ARHGAP10: variants seen among roughly 807,000 people sequenced by gnomAD.
The protein encoded by ARHGAP10 is rho GTPase-activating protein 10.
A neutral mutation model predicts 108.6 loss-of-function variants in ARHGAP10; 87 were observed. That is an observed-to-expected ratio of 0.80 (90% CI 0.67 to 0.96). ARHGAP10 has a LOEUF of 0.96. Among genes scored for constraint, ARHGAP10 ranks in the 40% least tolerant of loss-of-function variants. ARHGAP10 has a pLI of 0.00. For synonymous variants in ARHGAP10, 347 were observed against 341.1 expected, an observed-to-expected ratio of 1.02 and a Z score of -0.19; for missense variants, 939 against 954.5, an observed-to-expected ratio of 0.98 and a Z score of 0.21.
chr4:147,772,041 C>T (rs566713808), intron 1 of ARHGAP10, among the ~76,000 whole-genome samples: 45 of 152,300 alleles, frequency 3.0e-4, no homozygotes, highest in African/African-American at 9.9e-4. Flanking sequence ...CTGCCCTCCT[C>T]GGCCTCCTAA....
rs1737398449 is a variant in ARHGAP10, at chr4:147,924,844, A to G, written c.1228+11705A>G. On this transcript the variant is annotated intron_variant, in intron 13 of 22. Transcript: ENST00000336498. The stretch of plus-strand genomic sequence containing the variant: ...AGAACTAAAAGAGAATGCTTAGGAC[A>G]TTGGCACCTGTTGAATAGCCAGTAA... Among the ~76,000 whole-genome samples the G allele has an allele frequency of 1.3e-5, 2 of 152,152 alleles. 1 individual carries two copies. The highest frequency in any genetic ancestry group is 3.8e-4 in the East Asian group (2 of 5,196).
At chr4:147,742,375 A>G (rs527923791) in intron 1 of ARHGAP10, among the ~76,000 whole-genome samples, 6 of 149,628 alleles carry the variant, frequency 4.0e-5, no homozygotes, top group African/African-American at 1.5e-4. Flanking sequence ...GTAGGTGCCT[A>G]TTATTTTTAT....
At chr4:147,965,224 C>A in intron 17 of ARHGAP10, 95 bp downstream of exon 17, 3 of 794,784 alleles carry the variant, frequency 3.8e-6, no homozygotes, top group Middle Eastern at 2.5e-4. Context: ...GGGGACCACA[C>A]CTGGAAGGGC....
chr4:147,752,782 C>A (rs1244301947), intron 1 of ARHGAP10, among the ~76,000 whole-genome samples: 1 of 152,246 alleles, frequency 6.6e-6, no homozygotes, highest in Non-Finnish European at 1.5e-5. Context: ...CCACCTTGGC[C>A]TCCCAAAGTG....
intron 18 of ARHGAP10, among the ~76,000 whole-genome samples, chr4:147,972,071 G>T (rs1486779639): frequency 2.0e-5 from 3 of 152,138 alleles, no homozygotes; most frequent in Non-Finnish European, 2.9e-5. Context: ...AGTAAGATGA[G>T]TTCAGTTTGT....
chr4:147,937,272 T>G (rs933952818), intron 13 of ARHGAP10, among the ~76,000 whole-genome samples: 4 of 152,206 alleles, frequency 2.6e-5, no homozygotes, highest in African/African-American at 4.8e-5. Flanking sequence ...CTTCTCCCTG[T>G]GTCTTCTCAT....
intron 7 of ARHGAP10, among the ~76,000 whole-genome samples, chr4:147,873,943 A>G (rs1411194763): frequency 2.0e-5 from 3 of 151,962 alleles, no homozygotes; most frequent in African/African-American, 7.3e-5. Flanking sequence ...CTAGCCGTCA[A>G]CAACTGAGTT....
At chr4:147,905,425 G>T (rs932087349) in intron 10 of ARHGAP10, among the ~76,000 whole-genome samples, 12 of 138,890 alleles carry the variant, frequency 8.6e-5, no homozygotes, top group African/African-American at 2.7e-4. Context: ...TGTAAGGAAG[G>T]GATCCAGTTT....
intron 1 of ARHGAP10, among the ~76,000 whole-genome samples, chr4:147,756,883 G>GT (rs766069125): frequency 0.051 from 7,285 of 142,012 alleles, 236 homozygotes; most frequent in African/African-American, 0.099. Context: ...TTGTGTAATT[G>GT]TTTTTTTTTT....
chr4:147,866,785 A>G lies in ARHGAP10; in HGVS notation c.671A>G (p.Tyr224Cys). The change falls in exon 7 of 23, where the codon TAC (tyrosine) becomes TGC (cysteine). Residue 224 changes from tyrosine (Y) to cysteine (C), a missense_variant. Tyr to Cys is a radical substitution (Grantham distance 194). Transcript: ENST00000336498. ...GHELAKDFNH[Y>C]KMELQINIQN... ...GAACTTGCCAAAGACTTCAATCACTACAAAATGGAACTACAGATCAACATT... is the reference window on the plus strand; with the variant it reads ...GAACTTGCCAAAGACTTCAATCACTGCAAAATGGAACTACAGATCAACATT... 3 of 1,612,790 alleles carry G rather than the reference A, an allele frequency of 1.9e-6. No homozygotes were observed. Among genetic ancestry groups the G allele is most frequent in the Non-Finnish European group, 2.5e-6 (3 of 1,178,816 alleles).
rs112764350 is a variant in ARHGAP10, at chr4:147,757,302, C to T, written c.154+24847C>T. On this transcript the variant is annotated intron_variant, in intron 1 of 22. Coordinates refer to ENST00000336498, the MANE Select transcript of ARHGAP10 (RefSeq NM_024605.4). The stretch of plus-strand genomic sequence containing the variant: ...CTCTGCCTCCCGTGTTCAAGCAATT[C>T]CCCTGCCTCAGCCTCCCGAAAGCTG... Among the ~76,000 whole-genome samples, 428 of 149,962 alleles carry T rather than the reference C, an allele frequency of 2.9e-3. 4 individuals carry two copies. Among genetic ancestry groups the T allele is most frequent in the African/African-American group, 0.01 (415 of 40,818 alleles).
chr4:147,866,912 TG>T, intron 7 of ARHGAP10, 96 bp downstream of exon 7: 1 of 1,060,114 alleles, frequency 9.4e-7, no homozygotes, highest in Non-Finnish European at 1.4e-6. Flanking sequence ...AAGACAATGC[TG>T]ATCTGTTTGT....
In ARHGAP10 at chr4:147,784,778, TATA is replaced by T. The variant is rs1730784127; in HGVS notation, c.155-37948_155-37946del. On this transcript the variant is annotated intron_variant, in intron 1 of 22. Coordinates refer to ENST00000336498, the MANE Select transcript of ARHGAP10 (RefSeq NM_024605.4). ...TATAAAATGTATATTATAAATATAA[TATA>T]TTATAAAATATATATTATAAATATA... Among the ~76,000 whole-genome samples the T allele has an allele frequency of 1.4e-4, 8 of 55,448 alleles. 2 individuals are homozygous for T. Among genetic ancestry groups the T allele is most frequent in the Non-Finnish European group, 2.9e-4 (8 of 27,890 alleles). The allele number at this position is 55,448 out of a possible 152,430, so 36.4% of individuals were successfully genotyped here. A position where few individuals can be genotyped will look rare whatever the true frequency, so the allele number is the denominator to read the frequency against.
intron 1 of ARHGAP10, among the ~76,000 whole-genome samples, chr4:147,775,066 C>T (rs1730229662): frequency 6.6e-6 from 1 of 152,164 alleles, no homozygotes; most frequent in African/African-American, 2.4e-5. Flanking sequence ...AGGCTCTCGC[C>T]ACCACGCCTG....
intron 3 of ARHGAP10, among the ~76,000 whole-genome samples, chr4:147,829,045 A>AT (rs1279038358): frequency 1.6e-5 from 1 of 63,920 alleles, no homozygotes; most frequent in African/African-American, 4.0e-5. Context: ...TGCCTGGCTA[A>AT]TTTTTTTGTA....
At chr4:147,964,754 G>T (rs577471503) in intron 16 of ARHGAP10, among the ~76,000 whole-genome samples, 1 of 152,122 alleles carries the variant, frequency 6.6e-6, no homozygotes, top group East Asian at 1.9e-4. Context: ...GCAGCTGTCC[G>T]TTCTGTAATA....
chr4:147,979,267 A>G (rs538603083), intron 18 of ARHGAP10, among the ~76,000 whole-genome samples: 16 of 152,312 alleles, frequency 1.1e-4, no homozygotes, highest in Non-Finnish European at 2.2e-4. Context: ...ATTCTGCTGC[A>G]TAGAGTTAGC....
chr4:147,782,910 A>T (rs905926569), intron 1 of ARHGAP10, among the ~76,000 whole-genome samples: 4 of 143,562 alleles, frequency 2.8e-5, no homozygotes, highest in East Asian at 3.9e-4. Flanking sequence ...TATTATATAT[A>T]ATATATAAAT....
intron 19 of ARHGAP10, among the ~76,000 whole-genome samples, chr4:148,037,664 T>G (rs1728439621): frequency 1.3e-5 from 2 of 152,014 alleles, no homozygotes; most frequent in Non-Finnish European, 2.9e-5. Context: ...GTGAAACCCC[T>G]TCTCTATTGA....
Sources: allele counts gnomAD v4.1 joint callset (sites outside exome capture counted in the v4.1 genomes callset), GRCh38; gene constraint gnomAD v4.1.1; transcripts MANE v1.5; gene names NCBI Gene and HGNC (gene_info 2026-07-23, HGNC 2026-07-21).